Variants in CPNE5 observed in about 807,000 individuals in gnomAD.
CPNE5 encodes the protein copine-5.
CPNE5 carries 42 observed loss-of-function variants against 81.1 expected under a neutral mutation model. That is an observed-to-expected ratio of 0.52 (90% CI 0.40 to 0.67). The LOEUF (loss-of-function observed/expected upper bound fraction) is 0.67, where lower values mean the gene tolerates loss of function less well. Ranked by LOEUF, CPNE5 falls within the 30% of genes least tolerant of loss-of-function variation. The pLI is 0.00. For missense variants in CPNE5, 612 were observed against 815.5 expected (o/e 0.75, Z 3.04); for synonymous variants, 313 against 321.5 (o/e 0.97, Z 0.28).
chr6:36,790,670 A>G (rs1043771334), intron 8 of CPNE5, among the ~76,000 whole-genome samples: 2 of 152,202 alleles, frequency 1.3e-5, no homozygotes, highest in East Asian at 1.9e-4. Flanking sequence ...CGAGATTCCA[A>G]TCTCAGCTCA....
intron 1 of CPNE5, among the ~76,000 whole-genome samples, chr6:36,831,681 T>C (rs1773006862): frequency 7.1e-6 from 1 of 141,134 alleles, no homozygotes. Flanking sequence ...CAAATGAAGA[T>C]CAATATCAAT....
chr6:36,831,229 A>G lies in CPNE5; in HGVS notation c.95+8054T>C, dbSNP rs146601332. ...ACCACCACACCCGGCTAATTTTTGT[A>G]TTTTCAGTAGAGATGTGGTTTCGCC... On this transcript the variant is annotated intron_variant, in intron 1 of 20. Transcript: ENST00000244751. Among the ~76,000 whole-genome samples the G allele has an allele frequency of 6.5e-3, 982 of 150,990 alleles. 8 individuals carry two copies. The highest frequency in any genetic ancestry group is 0.023 in the African/African-American group (949 of 41,054).
chr6:36,762,606 TGGCTCCCATC>T (rs761580842), intron 12 of CPNE5, among the ~76,000 whole-genome samples: 1 of 152,164 alleles, frequency 6.6e-6, no homozygotes, highest in Non-Finnish European at 1.5e-5. Context: ...CTTCGTATAC[TGGCTCCCATC>T]GTGCTCCTAT....
At position 36,743,129 on chromosome 6, in the gene CPNE5, A is replaced by G. The variant is rs9349010; in HGVS notation, c.1563+560T>C. ...AAACCAAGGGGGTATGCAGGATGTCAGCTTTGTCTTCTGCATCTCCTAAGC... is the reference window on the plus strand; with the variant it reads ...AAACCAAGGGGGTATGCAGGATGTCGGCTTTGTCTTCTGCATCTCCTAAGC... On this transcript the variant is annotated intron_variant, in intron 20 of 20. Coordinates refer to ENST00000244751, the MANE Select transcript of CPNE5 (RefSeq NM_020939.2). 104 of 985,422 alleles carry G rather than the reference A, an allele frequency of 1.1e-4. 2 individuals are homozygous for G. In the East Asian group the frequency reaches 0.01, roughly 96 times the overall value. 61.0% of individuals were successfully genotyped at this position (985,422 alleles called of 1,614,324 possible). A position where few individuals can be genotyped will look rare whatever the true frequency, so the allele number is the denominator to read the frequency against.
chr6:36,821,532 C>T (rs994063618), intron 3 of CPNE5, among the ~76,000 whole-genome samples: 2 of 151,934 alleles, frequency 1.3e-5, no homozygotes, highest in African/African-American at 2.4e-5. Flanking sequence ...TCTCCCTACT[C>T]CCTGTTACAA....
At position 36,794,664 on chromosome 6, in the gene CPNE5, G is replaced by C. The variant is rs369460399; in HGVS notation, c.405-15C>G. On this transcript the variant is annotated splice_polypyrimidine_tract_variant and intron_variant, in intron 6 of 20. Transcript: ENST00000244751. ...ATGCGCCTATCCTGTGGAGAGAGAGGGGGAGAGAGAGCATGCCATGAGCTG... is the reference window on the plus strand; with the variant it reads ...ATGCGCCTATCCTGTGGAGAGAGAGCGGGAGAGAGAGCATGCCATGAGCTG... The C allele has an allele frequency of 2.5e-6, 4 of 1,612,978 alleles. No individual in the cohort carries two copies. Among genetic ancestry groups the C allele is most frequent in the African/African-American group, 1.3e-5 (1 of 74,870 alleles).
At chr6:36,822,182 T>C in intron 2 of CPNE5, 22 bp from the exon 3 acceptor site, 1 of 1,489,490 alleles carries the variant, frequency 6.7e-7, no homozygotes, top group Non-Finnish European at 9.0e-7. Context: ...GGAGAAACAG[T>C]GGATTAATAC....
intron 3 of CPNE5, among the ~76,000 whole-genome samples, chr6:36,801,122 T>C (rs965638303): frequency 6.6e-6 from 1 of 152,268 alleles, no homozygotes; most frequent in African/African-American, 2.4e-5. Flanking sequence ...ATTCAGAGAC[T>C]GAATTGTCTT....
intron 16 of CPNE5, 67 bp from the exon 17 acceptor site, chr6:36,745,582 C>T: frequency 2.0e-6 from 3 of 1,519,776 alleles, no homozygotes; most frequent in Non-Finnish European, 2.7e-6. Context: ...TGTGTGGGAA[C>T]TGAGTCCAGG....
intron 3 of CPNE5, among the ~76,000 whole-genome samples, chr6:36,810,771 G>A (rs1040189583): frequency 6.6e-6 from 1 of 152,186 alleles, no homozygotes. Context: ...TAAAATTACA[G>A]GGAGTGAGCC....
At chr6:36,829,910 G>A (rs114040492) in intron 1 of CPNE5, among the ~76,000 whole-genome samples, 71 of 149,624 alleles carry the variant, frequency 4.7e-4, no homozygotes, top group African/African-American at 1.7e-3. Flanking sequence ...AGGCCCCTGA[G>A]GTACTGACCA....
At chr6:36,751,730 GGTTGCA>G (rs1764848143) in intron 14 of CPNE5, among the ~76,000 whole-genome samples, 1 of 152,206 alleles carries the variant, frequency 6.6e-6, no homozygotes, top group South Asian at 2.1e-4. Context: ...AGGAGGCGGA[GGTTGCA>G]GTAAGCCGAG....
intron 14 of CPNE5, 110 bp from the exon 15 acceptor site, chr6:36,748,377 G>A (rs577239767): frequency 1.2e-5 from 11 of 913,362 alleles, no homozygotes; most frequent in African/African-American, 8.2e-5. Flanking sequence ...TGCCAGGTGT[G>A]TGGCCTTGGT....
At chr6:36,770,147 C>G (rs1766930432) in intron 10 of CPNE5, among the ~76,000 whole-genome samples, 1 of 152,202 alleles carries the variant, frequency 6.6e-6, no homozygotes. Context: ...CCTGATGCCA[C>G]TTCCTGTGAC....
rs528714004 is a variant in CPNE5, at chr6:36,802,418, T to C, written c.184-2348A>G. On this transcript the variant is annotated intron_variant, in intron 3 of 20. Transcript: ENST00000244751. ...CTGCAGTGAGCTATGATCACACCAC[T>C]GCACTCCAGCTTGGGCAATAGAGAG... Among the ~76,000 whole-genome samples the C allele has an allele frequency of 1.4e-4, 22 of 152,070 alleles. No individual in the cohort carries two copies. The South Asian group carries it at 4.6e-3, about 32-fold the overall frequency.
chr6:36,785,544 T>C (rs113144451), intron 8 of CPNE5, among the ~76,000 whole-genome samples: 1 of 152,196 alleles, frequency 6.6e-6, no homozygotes, highest in Non-Finnish European at 1.5e-5. Context: ...AAGTTCTTAA[T>C]CACCGTGCCT....
chr6:36,821,311 T>G (rs1772027294), intron 3 of CPNE5, among the ~76,000 whole-genome samples: 3 of 144,082 alleles, frequency 2.1e-5, no homozygotes, highest in African/African-American at 5.2e-5. Context: ...AGTCACAAGG[T>G]GGGGGGACTG....
intron 8 of CPNE5, among the ~76,000 whole-genome samples, chr6:36,783,448 T>C (rs547213841): frequency 6.6e-6 from 1 of 151,926 alleles, no homozygotes; most frequent in African/African-American, 2.4e-5. Flanking sequence ...GTTATATGTA[T>C]TAATTCATTG....
rs114727781 is a variant in CPNE5, at chr6:36,828,622, A to G, written c.96-5524T>C. Among the ~76,000 whole-genome samples the G allele has an allele frequency of 4.5e-3, 681 of 152,350 alleles. 8 individuals carry two copies. The highest frequency in any genetic ancestry group is 0.016 in the African/African-American group (648 of 41,582). On this transcript the variant is annotated intron_variant, in intron 1 of 20. Coordinates refer to ENST00000244751, the MANE Select transcript of CPNE5 (RefSeq NM_020939.2). Reference sequence around the variant, plus strand: ...CCATAATGGAGGTCATGGGCCCCCAATAGGCAAAGTATGGCATATTGGTAT... The same window carrying G: ...CCATAATGGAGGTCATGGGCCCCCAGTAGGCAAAGTATGGCATATTGGTAT...
Sources: gnomAD v4.1 joint callset for allele counts (sites outside exome capture counted in the v4.1 genomes callset) on GRCh38, gnomAD v4.1.1 for gene constraint, MANE v1.5 for transcripts, NCBI Gene and HGNC (gene_info 2026-07-23, HGNC 2026-07-21) for gene names.